Variants in MUC17 observed in about 807,000 individuals in gnomAD.
MUC17 encodes mucin-17.
Under a neutral mutation model 170.3 loss-of-function variants are expected in MUC17, and 190 were observed. The ratio of observed to expected loss-of-function variants is 1.12; its 90% CI spans 0.99 to 1.26. The LOEUF (loss-of-function observed/expected upper bound fraction) is 1.26. Among genes scored for constraint, MUC17 ranks in the 50% most tolerant of loss-of-function variants. The pLI is 0.00. For synonymous variants in MUC17, 2,325 were observed against 2,002.5 expected (o/e 1.16, Z -4.30); for missense variants, 6,415 against 5,530.0 (o/e 1.16, Z -5.08).
Position 101,040,711 on chromosome 7 carries a change from A to G in MUC17, c.9295A>G (p.Thr3099Ala). Residue 3099 changes from threonine to alanine, a missense_variant, in exon 3 of 13, where the codon ACT (threonine) becomes GCT (alanine). Physicochemically the swap from Thr to Ala is moderately conservative, Grantham distance 58 (BLOSUM62 0). Transcript: ENST00000306151. ...TGAAGGTACCAGCATGCCAATCTCAACTTATAGTGAAGGAAGCACTCCATT... is the reference window on the plus strand; with the variant it reads ...TGAAGGTACCAGCATGCCAATCTCAGCTTATAGTGAAGGAAGCACTCCATT... ...PAEGTSMPIS[T>A]YSEGSTPLTG... 6.2e-7 allele frequency: 1 copy of G among 1,613,136 alleles called. No individual in the cohort carries two copies. Among genetic ancestry groups the G allele is most frequent in the Non-Finnish European group, 8.5e-7 (1 of 1,179,766 alleles).
Position 101,020,094 on chromosome 7 carries a change from C to T in MUC17, c.-42C>T, listed in dbSNP as rs1465234731. 6.5e-7 allele frequency: 1 copy of T among 1,546,544 alleles called. No individual in the cohort carries two copies. Among genetic ancestry groups the T allele is most frequent in the Non-Finnish European group, 8.8e-7 (1 of 1,141,328 alleles). ...TTCTCTGAGGCTCATTTCGCCAGCT[C>T]CTCTGGGGGTGACAGGCAAGTGAGA... On this transcript the variant is annotated 5_prime_UTR_variant, in exon 1 of 13. Transcript: ENST00000306151.
rs766848928 is a variant in MUC17, at chr7:101,036,744, C to A, written c.5328C>A (p.Thr1776=). Residue 1776 remains threonine, a synonymous_variant, in exon 3 of 13, where the codon ACC becomes ACA. Coordinates refer to ENST00000306151, the MANE Select transcript of MUC17 (RefSeq NM_001040105.2). ...CCCTTTCAGCAACTCCTATTGACAC[C>A]AGCACCCCTGTGACCACTTCTACTG... ...ASTLSATPID[T]STPVTTSTEA... The A allele has an allele frequency of 4.3e-6, 7 of 1,611,746 alleles. No individual in the cohort carries two copies.
intron 3 of MUC17, 80 bp from the exon 4 acceptor site, chr7:101,047,904 C>T: frequency 1.4e-6 from 2 of 1,444,236 alleles, no homozygotes; most frequent in Non-Finnish European, 1.8e-6. Flanking sequence ...CAACATGTAA[C>T]CACAGTAGAT....
At position 101,043,800 on chromosome 7, in the gene MUC17, T is replaced by G. The variant is rs149791723; in HGVS notation, c.12384T>G (p.Thr4128=). The G allele has an allele frequency of 5.2e-5, 83 of 1,604,356 alleles. No individual in the cohort carries two copies. In the African/African-American group the frequency reaches 1.0e-3, roughly 20 times the overall value. Reference sequence around the variant, plus strand: ...AGAGCAACCCCACCTCAACTCCTACTGTGCCAAGAACCACAACATGTAAGT... The same window carrying G: ...AGAGCAACCCCACCTCAACTCCTACGGTGCCAAGAACCACAACATGTAAGT... ...TIKSNPTSTP[T]VPRTTTCFGD... The change falls in exon 3 of 13, where the codon ACT becomes ACG. Residue 4128 remains threonine, a synonymous_variant. Transcript: ENST00000306151.
Position 101,032,366 on chromosome 7 carries a change from C to A in MUC17, c.950C>A (p.Thr317Lys). 1 of 1,613,852 alleles carries A rather than the reference C, an allele frequency of 6.2e-7. No individual in the cohort carries two copies. Among genetic ancestry groups the A allele is most frequent in the Non-Finnish European group, 8.5e-7 (1 of 1,179,962 alleles). Residue 317 changes from threonine (T) to lysine (K), a missense_variant, in exon 3 of 13, where the codon ACA (threonine) becomes AAA (lysine). Physicochemically the swap from Thr to Lys is moderately conservative, Grantham distance 78. Coordinates refer to ENST00000306151, the MANE Select transcript of MUC17 (RefSeq NM_001040105.2). ...TCTACTGAAGCCAGTTCATCTCCTA[C>A]AACGGCTGAAGGCACCAGCATACCA... Reference protein sequence around the residue: ...ITSTEASSSPTTAEGTSIPTS... With the variant: ...ITSTEASSSPKTAEGTSIPTS...
At chr7:101,029,234 T>C (rs1794234569) in intron 1 of MUC17, among the ~76,000 whole-genome samples, 1 of 151,164 alleles carries the variant, frequency 6.6e-6, no homozygotes, top group Non-Finnish European at 1.5e-5. Flanking sequence ...CAGGTGTCTG[T>C]AATCCCAGCT....
At position 101,041,494 on chromosome 7, in the gene MUC17, C is replaced by T; in HGVS notation, c.10078C>T (p.Leu3360Phe). The T allele has an allele frequency of 6.2e-7, 1 of 1,613,984 alleles. No individual in the cohort carries two copies. Among genetic ancestry groups the T allele is most frequent in the East Asian group, 2.2e-5 (1 of 44,874 alleles). ...TPVVSSEAST[L>F]STTPVDTSTP... The stretch of plus-strand genomic sequence containing the variant: ...AGTGGTCAGTTCTGAGGCTAGCACC[C>T]TTTCCACAACTCCTGTTGACACCAG... Residue 3360 changes from leucine (L) to phenylalanine (F), a missense_variant, in exon 3 of 13, where the codon CTT becomes TTT. Transcript: ENST00000306151.
At position 101,037,076 on chromosome 7, in the gene MUC17, T is replaced by G. The variant is rs1794509549; in HGVS notation, c.5660T>G (p.Leu1887Arg). The change falls in exon 3 of 13, where the codon CTT becomes CGT. Residue 1887 changes from leucine (L) to arginine (R), a missense_variant. Physicochemically the swap from Leu to Arg is moderately radical, Grantham distance 102 (BLOSUM62 -2). Coordinates refer to ENST00000306151, the MANE Select transcript of MUC17 (RefSeq NM_001040105.2). Reference protein sequence around the residue: ...TTVASSETNTLSTTPAVTSTP... With the variant: ...TTVASSETNTRSTTPAVTSTP... ...GTGGCCAGTTCTGAAACCAACACCC[T>G]TTCAACAACTCCCGCTGTCACCAGC... The G allele has an allele frequency of 1.9e-6, 3 of 1,582,514 alleles. No individual in the cohort carries two copies. The East Asian group carries it at 8.1e-5, about 42-fold the overall frequency.
chr7:101,035,493 A>T lies in MUC17; in HGVS notation c.4077A>T (p.Thr1359=). The T allele has an allele frequency of 6.2e-7, 1 of 1,602,380 alleles. No individual in the cohort carries two copies. The highest frequency in any genetic ancestry group is 8.5e-7 in the Non-Finnish European group (1 of 1,172,668). ...GTTCTGCAATCAGCATCCTTTCAAC[A>T]ACTCCTGTTGACAACAGCACACCTG... The part of the protein sequence containing the change: ...VASSAISILS[T]TPVDNSTPVT... Residue 1359 remains threonine, a synonymous_variant, in exon 3 of 13, where the codon ACA becomes ACT. Coordinates refer to ENST00000306151, the MANE Select transcript of MUC17 (RefSeq NM_001040105.2).
rs1281633907 is a variant in MUC17, at chr7:101,058,624, C to G, written c.*580C>G. The G allele has an allele frequency of 6.6e-6, 1 of 152,236 alleles. No homozygotes were observed. The highest frequency in any genetic ancestry group is 1.5e-5 in the Non-Finnish European group (1 of 68,088). 9.4% of individuals were successfully genotyped at this position (152,236 alleles called of 1,614,324 possible). On this transcript the variant is annotated 3_prime_UTR_variant, in exon 13 of 13. Transcript: ENST00000306151. ...GACCCGCTGTTTACAACCATGACCC[C>G]TTGGACACTGGACTGCATGCACTTT... is the stretch of plus-strand genomic sequence containing the variant.
Position 101,033,262 on chromosome 7 carries a change from G to A in MUC17, c.1846G>A (p.Gly616Ser). 1 of 1,613,898 alleles carries A rather than the reference G, an allele frequency of 6.2e-7. No homozygotes were observed. Among genetic ancestry groups the A allele is most frequent in the African/African-American group, 1.3e-5 (1 of 74,942 alleles). The change falls in exon 3 of 13, where the codon GGT becomes AGT. Residue 616 changes from glycine to serine, a missense_variant. Physicochemically the swap from Gly to Ser is moderately conservative, Grantham distance 56 (BLOSUM62 0). Coordinates refer to ENST00000306151, the MANE Select transcript of MUC17 (RefSeq NM_001040105.2). ...EASSSSTTAE[G>S]TSMPTSTYSE... ...TAGTTCATCTTCTACAACTGCTGAA[G>A]GTACCAGCATGCCAACCTCAACTTA...
chr7:101,053,225 C>T lies in MUC17; in HGVS notation c.13265+78C>T, dbSNP rs1019987986. The T allele has an allele frequency of 4.4e-6, 7 of 1,587,844 alleles. No homozygotes were observed. In the Admixed American group the frequency reaches 1.0e-4, roughly 24 times the overall value. ...CCTCTGAACCCTCTGTCTCTAATCA[C>T]TTCATAGTCTAGGTGGGCAGCGGGG... On this transcript the variant is annotated intron_variant, in intron 10 of 12. Coordinates refer to ENST00000306151, the MANE Select transcript of MUC17 (RefSeq NM_001040105.2).
chr7:101,036,546 T>A lies in MUC17; in HGVS notation c.5130T>A (p.Leu1710=). The change falls in exon 3 of 13, where the codon CTT becomes CTA. Residue 1710 remains leucine (L), a synonymous_variant. Transcript: ENST00000306151. ...TPVASSAIST[L]STTPVDNSTP... is the part of the protein sequence containing the mutation. The stretch of plus-strand genomic sequence containing the variant: ...TGGCCAGCTCTGCAATCAGCACCCT[T>A]TCAACAACTCCCGTTGACAACAGCA... 6.2e-7 allele frequency: 1 copy of A among 1,611,358 alleles called. No homozygotes were observed. The highest frequency in any genetic ancestry group is 8.5e-7 in the Non-Finnish European group (1 of 1,178,448).
At position 101,042,172 on chromosome 7, in the gene MUC17, A is replaced by T. The variant is rs750498518; in HGVS notation, c.10756A>T (p.Thr3586Ser). The T allele has an allele frequency of 6.2e-7, 1 of 1,614,218 alleles. No homozygotes were observed. The highest frequency in any genetic ancestry group is 1.1e-5 in the South Asian group (1 of 91,086). The change falls in exon 3 of 13, where the codon ACA (threonine) becomes TCA (serine). Residue 3586 changes from threonine (T) to serine (S), a missense_variant. Physicochemically the swap from Thr to Ser is moderately conservative, Grantham distance 58. Transcript: ENST00000306151. ...ATTAACAACTATGCTCCTCAGCAGC[A>T]CATATGTGACCAGTTCTGAGGCTAG... ...SSLTTMLLSS[T>S]YVTSSEASTP...
At chr7:101,031,080 T>C in intron 1 of MUC17, 40 bp from the exon 2 acceptor site, 1 of 1,579,116 alleles carries the variant, frequency 6.3e-7, no homozygotes, top group Non-Finnish European at 8.6e-7. Context: ...TGAAGGAAGA[T>C]CATGGCTCTG....
Position 101,032,892 on chromosome 7 carries a change from T to C in MUC17, c.1476T>C (p.Ser492=). Residue 492 remains serine, a synonymous_variant, in exon 3 of 13, where the codon TCT becomes TCC. Transcript: ENST00000306151. ...CCACTTCTACTGAAGCCAGTTCATC[T>C]CCTCCAACTGCTGAAGTTAACAGCA... is the stretch of plus-strand genomic sequence containing the variant. The part of the protein sequence containing the change: ...QVTTSTEASS[S]PPTAEVNSMP... 6.2e-7 allele frequency: 1 copy of C among 1,613,786 alleles called. No individual in the cohort carries two copies. Among genetic ancestry groups the C allele is most frequent in the Admixed American group, 1.7e-5 (1 of 59,994 alleles).
rs199614449 is a variant in MUC17 at position 101,039,726 on chromosome 7, C to G, written c.8310C>G (p.Thr2770=). 4.3e-6 allele frequency: 7 copies of G among 1,610,506 alleles called. No individual in the cohort carries two copies. The highest frequency in any genetic ancestry group is 5.1e-6 in the Non-Finnish European group (6 of 1,177,978). Residue 2770 remains threonine (T), a synonymous_variant, in exon 3 of 13, where the codon ACC becomes ACG. Transcript: ENST00000306151. ...CAGTGGCCAGTTCTGAGGCTAGCAC[C>G]GTTTCAACAACTGCTGTTGACACCA... The part of the protein sequence containing the change: ...TLPVASSEAS[T]VSTTAVDTSI...
Position 101,033,031 on chromosome 7 carries a change from A to G in MUC17, c.1615A>G (p.Ser539Gly), listed in dbSNP as rs1794342310. ...STLSTTPVDTSTPVTTSSEAS... is the reference protein window; with the variant it reads ...STLSTTPVDTGTPVTTSSEAS... ...CCTTTCAACAACTCCTGTTGACACC[A>G]GCACACCTGTGACCACTTCTAGTGA... The change falls in exon 3 of 13, where the codon AGC becomes GGC. Residue 539 changes from serine to glycine, a missense_variant. By Grantham distance (56) the Ser-to-Gly change is moderately conservative (BLOSUM62 0). Coordinates refer to ENST00000306151, the MANE Select transcript of MUC17 (RefSeq NM_001040105.2). The G allele has an allele frequency of 1.2e-6, 2 of 1,613,746 alleles. No individual in the cohort carries two copies. The highest frequency in any genetic ancestry group is 3.3e-5 in the Admixed American group (2 of 59,934).
At position 101,043,319 on chromosome 7, in the gene MUC17, C is replaced by A. The variant is rs748456751; in HGVS notation, c.11903C>A (p.Ser3968Tyr). 86 of 1,614,066 alleles carry A rather than the reference C, an allele frequency of 5.3e-5. 1 individual carries two copies. The South Asian group carries it at 6.4e-4, about 12-fold the overall frequency. The change falls in exon 3 of 13, where the codon TCC becomes TAC. Residue 3968 changes from serine to tyrosine, a missense_variant. Physicochemically the swap from Ser to Tyr is moderately radical, Grantham distance 144. Coordinates refer to ENST00000306151, the MANE Select transcript of MUC17 (RefSeq NM_001040105.2). ...TGAVSTPVITSTELNTPSTSS... is the reference protein window; with the variant it reads ...TGAVSTPVITYTELNTPSTSS... ...GCTGTATCTACCCCTGTGATAACTT[C>A]CACTGAACTAAACACACCATCAACC... is the stretch of plus-strand genomic sequence containing the variant.
Sources: allele counts gnomAD v4.1 joint callset (sites outside exome capture counted in the v4.1 genomes callset), GRCh38; gene constraint gnomAD v4.1.1; transcripts MANE v1.5; gene names NCBI Gene and HGNC (gene_info 2026-07-23, HGNC 2026-07-21).